Variants in TDRD15 observed in about 807,000 individuals in gnomAD.
TDRD15 encodes the protein tudor domain-containing protein 15.
For missense variants in TDRD15, 1,416 were observed against 904.7 expected, an observed-to-expected ratio of 1.57 and a Z score of -7.25; for synonymous variants, 503 against 314.5, an observed-to-expected ratio of 1.60 and a Z score of -6.34.
In TDRD15 at chr2:21,130,629, C is replaced by G. The variant is rs373759624; in HGVS notation, c.-90+2918C>G. On this transcript the variant is annotated intron_variant, in intron 2 of 3. Transcript: ENST00000405799. ...GTGGGTATCCATTTTTTTTTCAGGA[C>G]CATTTATTGAAAATATTATTTCCCC... Among the ~76,000 whole-genome samples, 5 of 151,958 alleles carry G rather than the reference C, an allele frequency of 3.3e-5. No individual in the cohort carries two copies. In the East Asian group the frequency reaches 7.7e-4, roughly 23 times the overall value.
chr2:21,135,323 A>G (rs148949327), intron 3 of TDRD15, among the ~76,000 whole-genome samples: 17 of 151,720 alleles, frequency 1.1e-4, no homozygotes, highest in African/African-American at 3.9e-4. Flanking sequence ...AACTTTCTTC[A>G]TGACCCTATT....
chr2:21,139,963 T>G lies in TDRD15; in HGVS notation c.2496T>G (p.Phe832Leu), dbSNP rs1665887797. The change falls in exon 4 of 4, where the codon TTT becomes TTG. Residue 832 changes from phenylalanine to leucine, a missense_variant. Phe to Leu is a conservative substitution (Grantham distance 22). Coordinates refer to ENST00000405799, the MANE Select transcript of TDRD15 (RefSeq NM_001306137.2). ...TATCAAAAGAAGTTGACATAGTGTT[T>G]GTTGATTATGGTTACCAAAAAAGGG... is the stretch of plus-strand genomic sequence containing the variant. ...TQVSKEVDIV[F>L]VDYGYQKRVL... 1 of 715,988 alleles carries G rather than the reference T, an allele frequency of 1.4e-6. No individual in the cohort carries two copies. The highest frequency in any genetic ancestry group is 2.7e-5 in the East Asian group (1 of 37,262). 44.4% of individuals were successfully genotyped at this position (715,988 alleles called of 1,614,324 possible). A position where few individuals can be genotyped will look rare whatever the true frequency, so the allele number is the denominator to read the frequency against.
chr2:21,132,909 T>C (rs993552148), intron 2 of TDRD15, among the ~76,000 whole-genome samples: 1 of 152,162 alleles, frequency 6.6e-6, no homozygotes, highest in African/African-American at 2.4e-5. Context: ...TGGAAGAATG[T>C]GCTCTGCTGT....
intron 2 of TDRD15, among the ~76,000 whole-genome samples, chr2:21,132,206 C>G (rs934291092): frequency 6.6e-6 from 1 of 152,024 alleles, no homozygotes; most frequent in African/African-American, 2.4e-5. Context: ...TAATAGAAAA[C>G]ACGGGAGGTT....
At chr2:21,125,575 C>T (rs1206093978) in intron 1 of TDRD15, among the ~76,000 whole-genome samples, 1 of 151,552 alleles carries the variant, frequency 6.6e-6, no homozygotes, top group Middle Eastern at 3.2e-3. Flanking sequence ...GGTGTTTTTC[C>T]GAAGAAATTT....
Position 21,142,598 on chromosome 2 carries a change from G to A in TDRD15, c.5131G>A (p.Glu1711Lys). The change falls in exon 4 of 4, where the codon GAA becomes AAA. Residue 1711 changes from glutamate (E) to lysine (K), a missense_variant. Glu to Lys is a moderately conservative substitution (Grantham distance 56). Transcript: ENST00000405799. ...ACTTGCAGAAATTGTTTACAACATT[G>A]AATCTAAGACTCCTGTATCATCATG... ...LRLAEIVYNI[E>K]SKTPVSSCTI... 2 of 712,006 alleles carry A rather than the reference G, an allele frequency of 2.8e-6. No individual in the cohort carries two copies. Among genetic ancestry groups the A allele is most frequent in the Middle Eastern group, 4.6e-4 (2 of 4,340 alleles). 44.1% of individuals were successfully genotyped at this position (712,006 alleles called of 1,614,324 possible).
Position 21,140,032 on chromosome 2 carries a change from G to T in TDRD15, c.2565G>T (p.Leu855Phe), listed in dbSNP as rs771707277. 25 of 715,736 alleles carry T rather than the reference G, an allele frequency of 3.5e-5. No homozygotes were observed. In the South Asian group the frequency reaches 3.6e-4, roughly 10 times the overall value. The allele number at this position is 715,736 out of a possible 1,614,324, so 44.3% of individuals were successfully genotyped here. A position where few individuals can be genotyped will look rare whatever the true frequency, so the allele number is the denominator to read the frequency against. The part of the protein sequence containing the change: ...DLCAINPRFL[L>F]LESQAFRCCL... The stretch of plus-strand genomic sequence containing the variant: ...GTGCAATTAACCCACGTTTTCTCTT[G>T]TTAGAAAGCCAAGCCTTCAGATGTT... Residue 855 changes from leucine (L) to phenylalanine (F), a missense_variant, in exon 4 of 4, where the codon TTG becomes TTT. Transcript: ENST00000405799.
rs776373873 is a variant in TDRD15, at chr2:21,138,048, T to C, written c.581T>C (p.Val194Ala). 3.4e-5 allele frequency: 24 copies of C among 716,228 alleles called. No individual in the cohort carries two copies. The South Asian group carries it at 3.6e-4, about 11-fold the overall frequency. The allele number at this position is 716,228 out of a possible 1,614,324, so 44.4% of individuals were successfully genotyped here. ...GATGGAGATTCATTTCGTCTTATTGTGGAAATGTTAGAAGAATTCCCTCAA... is the reference window on the plus strand; with the variant it reads ...GATGGAGATTCATTTCGTCTTATTGCGGAAATGTTAGAAGAATTCCCTCAA... ...LVDGDSFRLI[V>A]EMLEEFPQQM... The change falls in exon 4 of 4, where the codon GTG becomes GCG. Residue 194 changes from valine to alanine, a missense_variant. Transcript: ENST00000405799.
Position 21,141,171 on chromosome 2 carries a change from G to T in TDRD15, c.3704G>T (p.Gly1235Val), listed in dbSNP as rs1665919814. ...ACTTCTTTGAATGATGGGCTTAAAG[G>T]TATAAAAATTGTCCCTGGAGCTGCA... ...MKTSLNDGLKGIKIVPGAAHI... is the reference protein window; with the variant it reads ...MKTSLNDGLKVIKIVPGAAHI... The change falls in exon 4 of 4, where the codon GGT (glycine) becomes GTT (valine). Residue 1235 changes from glycine (G) to valine (V), a missense_variant. Transcript: ENST00000405799. The T allele has an allele frequency of 1.4e-6, 1 of 715,006 alleles. No homozygotes were observed. Among genetic ancestry groups the T allele is most frequent in the African/African-American group, 1.7e-5 (1 of 57,178 alleles). The allele number at this position is 715,006 out of a possible 1,614,324, so 44.3% of individuals were successfully genotyped here. A position where few individuals can be genotyped will look rare whatever the true frequency, so the allele number is the denominator to read the frequency against.
chr2:21,130,108 C>G (rs1665688177), intron 2 of TDRD15, among the ~76,000 whole-genome samples: 1 of 152,160 alleles, frequency 6.6e-6, no homozygotes, highest in Non-Finnish European at 1.5e-5. Flanking sequence ...TATTAAATGT[C>G]CCACATCTCA....
chr2:21,132,300 AT>A (rs540451729), intron 2 of TDRD15, among the ~76,000 whole-genome samples: 3 of 152,134 alleles, frequency 2.0e-5, no homozygotes, highest in Non-Finnish European at 4.4e-5. Flanking sequence ...ACTCAGTGAA[AT>A]TAGAAGCCAC....
Position 21,127,824 on chromosome 2 carries a change from C to G in TDRD15, c.-90+113C>G, listed in dbSNP as rs530532986. On this transcript the variant is annotated intron_variant, in intron 2 of 3. Coordinates refer to ENST00000405799, the MANE Select transcript of TDRD15 (RefSeq NM_001306137.2). ...AAGGTTTAGAATCGCGTTTGAATTTCTACCAAAATGCATCCCAGGATTTTG... is the reference window on the plus strand; with the variant it reads ...AAGGTTTAGAATCGCGTTTGAATTTGTACCAAAATGCATCCCAGGATTTTG... 2.0e-5 allele frequency: 3 copies of G among 152,308 alleles called. No homozygotes were observed. In the East Asian group the frequency reaches 5.8e-4, roughly 29 times the overall value. 9.4% of individuals were successfully genotyped at this position (152,308 alleles called of 1,614,324 possible).
downstream of TDRD15, among the ~76,000 whole-genome samples, chr2:21,145,649 A>G (rs903888227): frequency 3.9e-5 from 6 of 152,072 alleles, no homozygotes; most frequent in Admixed American, 6.6e-5. Flanking sequence ...ATATGGTTTC[A>G]CGGATTAGTA....
At position 21,138,554 on chromosome 2, in the gene TDRD15, G is replaced by C; in HGVS notation, c.1087G>C (p.Asp363His). The change falls in exon 4 of 4, where the codon GAT (aspartate) becomes CAT (histidine). Residue 363 changes from aspartate (D) to histidine (H), a missense_variant. Coordinates refer to ENST00000405799, the MANE Select transcript of TDRD15 (RefSeq NM_001306137.2). ...TTCTCTGACATGTTTGCACAGTCCA[G>C]ATAGAGATGCAAGAATATTTCAACT... ...PCSLTCLHSP[D>H]RDARIFQLSI... is the part of the protein sequence containing the mutation. The C allele has an allele frequency of 1.4e-6, 1 of 715,412 alleles. No homozygotes were observed. The highest frequency in any genetic ancestry group is 2.3e-4 in the Middle Eastern group (1 of 4,354). The allele number at this position is 715,412 out of a possible 1,614,324, so 44.3% of individuals were successfully genotyped here.
intron 2 of TDRD15, among the ~76,000 whole-genome samples, chr2:21,130,193 AT>A (rs1572295187): frequency 2.0e-5 from 3 of 152,322 alleles, no homozygotes; most frequent in East Asian, 3.9e-4. Flanking sequence ...TTATTTCAAA[AT>A]TTTTAAGGAA....
chr2:21,145,314 GAGTT>G (rs1334334224), downstream of TDRD15, among the ~76,000 whole-genome samples: 1 of 152,036 alleles, frequency 6.6e-6, no homozygotes, highest in African/African-American at 2.4e-5. Flanking sequence ...CTTTTGAAAA[GAGTT>G]AGCTTACTTG....
rs536746895 is a variant in TDRD15 at position 21,143,412 on chromosome 2, A to G, written c.*140A>G. 10 of 451,984 alleles carry G rather than the reference A, an allele frequency of 2.2e-5. 1 individual carries two copies. Among genetic ancestry groups the G allele is most frequent in the Non-Finnish European group, 3.9e-5 (10 of 256,578 alleles). 28.0% of individuals were successfully genotyped at this position (451,984 alleles called of 1,614,324 possible). On this transcript the variant is annotated 3_prime_UTR_variant, in exon 4 of 4. Coordinates refer to ENST00000405799, the MANE Select transcript of TDRD15 (RefSeq NM_001306137.2). Reference sequence around the variant, plus strand: ...ATGTCTGTAAGAACCTCTTAAGGAAAATTCGTATTAGTAAAAGATCACATT... The same window carrying G: ...ATGTCTGTAAGAACCTCTTAAGGAAGATTCGTATTAGTAAAAGATCACATT...
chr2:21,128,723 C>A (rs1665649744), intron 2 of TDRD15, among the ~76,000 whole-genome samples: 1 of 151,460 alleles, frequency 6.6e-6, no homozygotes, highest in African/African-American at 2.4e-5. Flanking sequence ...GATTGTCCAC[C>A]TTATCCTAAA....
chr2:21,144,636 T>C (rs1213212006), downstream of TDRD15, among the ~76,000 whole-genome samples: 1 of 151,876 alleles, frequency 6.6e-6, no homozygotes, highest in Admixed American at 6.6e-5. Context: ...AAGAGTCTTA[T>C]ATGTATTATC....
Sources: allele counts gnomAD v4.1 joint callset (sites outside exome capture counted in the v4.1 genomes callset), GRCh38; gene constraint gnomAD v4.1.1; transcripts MANE v1.5; gene names NCBI Gene and HGNC (gene_info 2026-07-23, HGNC 2026-07-21).